The following TNRC6C variants were observed in gnomAD, a reference collection of about 807,000 sequenced individuals.
TNRC6C encodes the protein trinucleotide repeat-containing gene 6C protein.
TNRC6C carries 20 observed loss-of-function variants against 153.7 expected under a neutral mutation model. The ratio of observed to expected loss-of-function variants is 0.13; its 90% confidence interval spans 0.09 to 0.19. The LOEUF is 0.19. Ranked by LOEUF, TNRC6C falls within the 10% of genes least tolerant of loss-of-function variation. The pLI, the probability that TNRC6C is intolerant of heterozygous loss-of-function variation, is 1.00. For missense variants in TNRC6C, 1,987 were observed against 2,172.0 expected, an observed-to-expected ratio of 0.91 and a Z score of 1.69; for synonymous variants, 811 against 841.4, an observed-to-expected ratio of 0.96 and a Z score of 0.63.
At chr17:78,050,820 A>G in exon 3 of TNRC6C, 1 of 1,613,736 alleles carries the variant, frequency 6.2e-7, no homozygotes, top group South Asian at 1.1e-5. Context: ...GAGATGGACA[A>G]AGATCAAATC....
intron 1 of TNRC6C, among the ~76,000 whole-genome samples, chr17:77,971,793 T>C (rs1435779697): frequency 6.6e-6 from 1 of 150,706 alleles, no homozygotes; most frequent in Non-Finnish European, 1.5e-5. Context: ...AGAAATTAAG[T>C]AAGAGATTTC....
At chr17:78,054,722 C>T (rs2072613605) in intron 3 of TNRC6C, among the ~76,000 whole-genome samples, 2 of 152,064 alleles carry the variant, frequency 1.3e-5, no homozygotes, top group Non-Finnish European at 2.9e-5. Context: ...CTGCAGACTA[C>T]TACAGACTAC....
intron 4 of TNRC6C, chr17:78,066,994 A>G (rs1190991687): frequency 6.6e-6 from 1 of 152,208 alleles, no homozygotes; most frequent in African/African-American, 2.4e-5. Flanking sequence ...AATACAGAGA[A>G]GATTCGCGTG....
At position 78,061,286 on chromosome 17, in the gene TNRC6C, A is replaced by G. The variant is rs376405094; in HGVS notation, c.2396-3436A>G. On this transcript the variant is annotated intron_variant, in intron 3 of 19. Transcript: ENST00000301624. ...AAAAGAATCCCTATAAATTATTAAC[A>G]AAAAGATGCCAAATTCACTCTGATG... 2.6e-5 allele frequency among the ~76,000 whole-genome samples: 4 copies of G among 152,378 alleles called. No individual in the cohort carries two copies. The South Asian group carries it at 8.3e-4, about 32-fold the overall frequency.
chr17:78,093,584 C>G (rs1343979021), intron 15 of TNRC6C, 36 bp from the exon 18 acceptor site: 5 of 1,611,606 alleles, frequency 3.1e-6, no homozygotes, highest in Non-Finnish European at 3.4e-6. Context: ...TGCCGGTGTT[C>G]TGATCTGTGG....
intron 1 of TNRC6C, among the ~76,000 whole-genome samples, chr17:77,990,536 T>A (rs2071234528): frequency 6.6e-6 from 1 of 152,170 alleles, no homozygotes; most frequent in Non-Finnish European, 1.5e-5. Context: ...TGTCCCCTGT[T>A]GTGCCACCAG....
At chr17:78,026,572 A>G (rs2071945467) in intron 1 of TNRC6C, among the ~76,000 whole-genome samples, 1 of 152,232 alleles carries the variant, frequency 6.6e-6, no homozygotes, top group African/African-American at 2.4e-5. Context: ...GGTTAGATGA[A>G]GAAGCAAGCA....
intron 1 of TNRC6C, chr17:78,008,757 CTGAT>C (rs997566069): frequency 1.3e-5 from 2 of 152,130 alleles, no homozygotes; most frequent in Admixed American, 6.5e-5. Context: ...GTTATATATT[CTGAT>C]TGAAAATAAT....
chr17:77,958,663 C>T (rs1421335617), upstream of TNRC6C, among the ~76,000 whole-genome samples: 1 of 151,806 alleles, frequency 6.6e-6, no homozygotes, highest in African/African-American at 2.4e-5. Context: ...GGGGCGCGAG[C>T]GCCCCGTCTG....
intron 14 of TNRC6C, among the ~76,000 whole-genome samples, chr17:78,092,093 C>A (rs532524939): frequency 2.0e-5 from 3 of 152,158 alleles, no homozygotes; most frequent in Admixed American, 2.0e-4. Context: ...GATGGACACA[C>A]GAGTAAGGTG....
At chr17:78,102,340 G>C in intron 17 of TNRC6C, 134 bp from the exon 21 acceptor site, 2 of 749,550 alleles carry the variant, frequency 2.7e-6, no homozygotes, top group South Asian at 1.9e-5. Flanking sequence ...GGCCTCCCAG[G>C]CTGAGAAAGG....
At position 78,039,315 on chromosome 17, in the gene TNRC6C, C is replaced by A. The variant is rs528274172; in HGVS notation, c.-219+7473C>A. 2.0e-4 allele frequency among the ~76,000 whole-genome samples: 30 copies of A among 147,664 alleles called. 1 individual carries two copies. Among genetic ancestry groups the A allele is most frequent in the South Asian group, 1.1e-3 (5 of 4,482 alleles). On this transcript the variant is annotated intron_variant, in intron 2 of 19. Coordinates refer to ENST00000301624, the Ensembl canonical transcript of TNRC6C. Reference sequence around the variant, plus strand: ...AACAGCAATTTCAAATCTTGCCCCCCCCCCCCACTCCCTACCTCTTACCAG... The same window carrying A: ...AACAGCAATTTCAAATCTTGCCCCCACCCCCCACTCCCTACCTCTTACCAG...
intron 6 of TNRC6C, 94 bp from the exon 9 acceptor site, chr17:78,072,943 A>G (rs1344899266): frequency 1.8e-5 from 16 of 876,872 alleles, no homozygotes; most frequent in Non-Finnish European, 2.8e-5. Flanking sequence ...AAAACCTAAT[A>G]ACTATGTCTT....
chr17:77,978,053 GC>G (rs1168403028), intron 1 of TNRC6C, among the ~76,000 whole-genome samples: 1 of 151,694 alleles, frequency 6.6e-6, no homozygotes, highest in African/African-American at 2.4e-5. Context: ...CCGCCACCAC[GC>G]CCAGCTAATT....
intron 2 of TNRC6C, among the ~76,000 whole-genome samples, chr17:78,045,078 A>G (rs1282304618): frequency 6.6e-6 from 1 of 152,122 alleles, no homozygotes; most frequent in Non-Finnish European, 1.5e-5. Context: ...AAGAGACCCA[A>G]CCATTGGTGA....
At chr17:78,107,659 T>C (rs958851348) in exon 20 of TNRC6C, 3 of 152,232 alleles carry the variant, frequency 2.0e-5, no homozygotes, top group East Asian at 1.9e-4. Flanking sequence ...GCTGTAAATA[T>C]TGAAATCTTA....
At chr17:78,071,634 C>T (rs1161918641) in intron 6 of TNRC6C, among the ~76,000 whole-genome samples, 3 of 152,126 alleles carry the variant, frequency 2.0e-5, no homozygotes, top group Non-Finnish European at 4.4e-5. Context: ...GCGATCTGCC[C>T]GCCTCGGCCT....
rs57726847 is a variant in TNRC6C at position 77,976,931 on chromosome 17, G to GAAAAA, written c.-38+17688_-38+17692dup. Among the ~76,000 whole-genome samples the GAAAAA allele has an allele frequency of 5.0e-3, 233 of 46,582 alleles. 24 individuals are homozygous for GAAAAA. The Middle Eastern group carries it at 0.052, about 10-fold the overall frequency. The allele number at this position is 46,582 out of a possible 152,430, so 30.6% of individuals were successfully genotyped here. On this transcript the variant is annotated intron_variant, in intron 1 of 22. Transcript: ENST00000636222. ...GCGACAAGAGCAAGACTCCATCTCA[G>GAAAAA]AAAAAAAAAAAAAAAAAAAAAAAAA...
At chr17:77,978,843 A>G (rs1358952782) in intron 1 of TNRC6C, among the ~76,000 whole-genome samples, 1 of 152,180 alleles carries the variant, frequency 6.6e-6, no homozygotes, top group East Asian at 1.9e-4. Flanking sequence ...CAGCCCTCAC[A>G]AAACACAAAA....
Sources: gnomAD v4.1 joint callset for allele counts (sites outside exome capture counted in the v4.1 genomes callset) on GRCh38, gnomAD v4.1.1 for gene constraint, MANE v1.5 for transcripts, NCBI Gene and HGNC (gene_info 2026-07-23, HGNC 2026-07-21) for gene names.